The following ESR2 variants were observed in gnomAD, a reference collection of about 807,000 sequenced individuals.
ESR2 encodes the protein estrogen receptor beta.
Under a neutral mutation model 49.6 loss-of-function variants are expected in ESR2, and 36 were observed. The ratio of observed to expected loss-of-function variants is 0.73; its 90% confidence interval spans 0.56 to 0.96. The LOEUF (loss-of-function observed/expected upper bound fraction) is 0.96, where lower values mean the gene tolerates loss of function less well. Ranked by LOEUF, ESR2 falls within the 40% of genes least tolerant of loss-of-function variation. ESR2 has a pLI of 0.00. For missense variants in ESR2, 714 were observed against 693.0 expected, an observed-to-expected ratio of 1.03 and a Z score of -0.34; for synonymous variants, 320 against 266.1, an observed-to-expected ratio of 1.20 and a Z score of -1.97.
intron 7 of ESR2, among the ~76,000 whole-genome samples, chr14:64,237,830 C>G (rs2075637717): frequency 1.3e-5 from 2 of 152,086 alleles, no homozygotes; most frequent in Admixed American, 1.3e-4. Flanking sequence ...ATAGGCAAAT[C>G]CATAGAGTCA....
intron 1 of ESR2, among the ~76,000 whole-genome samples, chr14:64,333,611 G>A (rs552327488): frequency 6.6e-6 from 1 of 152,284 alleles, no homozygotes; most frequent in East Asian, 1.9e-4. Context: ...CATGGCAGGT[G>A]AAACATACAT....
intron 7 of ESR2, among the ~76,000 whole-genome samples, chr14:64,236,460 C>A (rs1013237708): frequency 6.6e-6 from 1 of 152,028 alleles, no homozygotes; most frequent in Admixed American, 6.6e-5. Flanking sequence ...TTCTGAGAGG[C>A]CAAAAAGCAG....
At chr14:64,308,941 C>G (rs1047620365) in intron 1 of ESR2, among the ~76,000 whole-genome samples, 3 of 150,880 alleles carry the variant, frequency 2.0e-5, no homozygotes, top group Non-Finnish European at 4.4e-5. Flanking sequence ...CCACACCCAG[C>G]CCCCTCAGTT....
rs1418144303 is a variant in ESR2, at chr14:64,230,635, AG to A, written c.*2501del. On this transcript the variant is annotated 3_prime_UTR_variant, in exon 9 of 9. Coordinates refer to ENST00000341099, the MANE Select transcript of ESR2 (RefSeq NM_001437.3). ...AGAAAAATCCCTTCAAGACTATTTT[AG>A]GGTCAAGTCTTTTGTAGTCAGTCCT... Among the ~76,000 whole-genome samples the A allele has an allele frequency of 6.6e-6, 1 of 151,924 alleles. No homozygotes were observed. The highest frequency in any genetic ancestry group is 1.5e-5 in the Non-Finnish European group (1 of 67,972).
chr14:64,257,263 C>CG lies in ESR2; in HGVS notation c.1053dup (p.Gly352ArgfsTer15), dbSNP rs2076120927. On this transcript the variant is annotated frameshift_variant, in exon 6 of 9. Transcript: ENST00000341099. LOFTEE classifies it high-confidence loss of function. The stretch of plus-strand genomic sequence containing the variant: ...AGATCTGGAGCAAAGATGAGCTTGC[C>CG]GGGGTGGTCAATTGAGCGCCACATC... The CG allele has an allele frequency of 1.2e-6, 2 of 1,614,002 alleles. No homozygotes were observed. Among genetic ancestry groups the CG allele is most frequent in the African/African-American group, 2.7e-5 (2 of 74,926 alleles).
intron 1 of ESR2, among the ~76,000 whole-genome samples, chr14:64,299,995 C>T (rs1328258509): frequency 1.3e-5 from 2 of 152,160 alleles, no homozygotes; most frequent in African/African-American, 4.8e-5. Flanking sequence ...AATGGTTCTG[C>T]TCATAGTCAA....
rs181414913 is a variant in ESR2, at chr14:64,274,419, T to C, written c.536-5508A>G. 3.3e-5 allele frequency among the ~76,000 whole-genome samples: 5 copies of C among 152,348 alleles called. No homozygotes were observed. In the East Asian group the frequency reaches 9.6e-4, roughly 29 times the overall value. On this transcript the variant is annotated intron_variant, in intron 3 of 8. Transcript: ENST00000341099. ...TATAGTTGCTTATAATAGCCTATAA[T>C]GATCCTTTAGATTTCTGCGGTATCA...
chr14:64,306,459 C>T (rs28663685), intron 1 of ESR2, among the ~76,000 whole-genome samples: 6,785 of 152,218 alleles, frequency 0.045, 318 homozygotes, highest in African/African-American at 0.12. Context: ...AAAAGACAAA[C>T]AAAGGGCCCC....
chr14:64,253,679 C>G (rs1413787058), intron 6 of ESR2, among the ~76,000 whole-genome samples: 1 of 151,516 alleles, frequency 6.6e-6, no homozygotes, highest in Non-Finnish European at 1.5e-5. Context: ...TGGTTTACCT[C>G]TGTGTGTATG....
At chr14:64,258,432 G>A (rs1267444343) in intron 5 of ESR2, among the ~76,000 whole-genome samples, 1 of 152,106 alleles carries the variant, frequency 6.6e-6, no homozygotes, top group Non-Finnish European at 1.5e-5. Flanking sequence ...ACACCGCCTT[G>A]GAGTGAAATG....
In ESR2 at chr14:64,300,774, A is replaced by G. The variant is rs148843930; in HGVS notation, c.-90-17699T>C. 2.0e-3 allele frequency among the ~76,000 whole-genome samples: 302 copies of G among 152,176 alleles called. 1 individual carries two copies. The highest frequency in any genetic ancestry group is 6.9e-3 in the African/African-American group (288 of 41,528). On this transcript the variant is annotated intron_variant, in intron 1 of 8. Transcript: ENST00000358599. Reference sequence around the variant, plus strand: ...CTTTAAAAAAAAAAATTTTTTTCTGACACTCAGCATTACATTTATTCTTTC... The same window carrying G: ...CTTTAAAAAAAAAAATTTTTTTCTGGCACTCAGCATTACATTTATTCTTTC...
chr14:64,249,507 C>G, intron 7 of ESR2, 39 bp downstream of exon 7: 1 of 1,603,618 alleles, frequency 6.2e-7, no homozygotes, highest in Non-Finnish European at 8.5e-7. Context: ...AACAGCATCT[C>G]TCCCCGATAA....
intron 4 of ESR2, among the ~76,000 whole-genome samples, chr14:64,268,572 C>T (rs1354635255): frequency 6.6e-6 from 1 of 152,206 alleles, no homozygotes; most frequent in Non-Finnish European, 1.5e-5. Flanking sequence ...CTCTTCTCTA[C>T]CTGGGGCCAA....
intron 1 of ESR2, among the ~76,000 whole-genome samples, chr14:64,334,836 G>A (rs765768026): frequency 3.3e-5 from 5 of 152,110 alleles, no homozygotes; most frequent in Admixed American, 6.6e-5. Context: ...TAGTAGAGAC[G>A]GGGTTTCACC....
rs1332779375 is a variant in ESR2 at position 64,233,311 on chromosome 14, C to T, written c.1419G>A (p.Met473Ile). 2.5e-6 allele frequency: 4 copies of T among 1,612,104 alleles called. No individual in the cohort carries two copies. Among genetic ancestry groups the T allele is most frequent in the Admixed American group, 3.3e-5 (2 of 59,986 alleles). ...TGCACTTCATGTTGAGCAGATGTTCCATGCCCTTGTTACTATGGGGACAAA... is the reference window on the plus strand; with the variant it reads ...TGCACTTCATGTTGAGCAGATGTTCTATGCCCTTGTTACTATGGGGACAAA... ...SHVRHASNKG[M>I]EHLLNMKCKN... is the part of the protein sequence containing the mutation. Residue 473 changes from methionine (M) to isoleucine (I), a missense_variant, in exon 9 of 9, where the codon ATG becomes ATA. Coordinates refer to ENST00000341099, the MANE Select transcript of ESR2 (RefSeq NM_001437.3).
At chr14:64,269,397 G>T (rs2076394186) in intron 3 of ESR2, among the ~76,000 whole-genome samples, 1 of 152,270 alleles carries the variant, frequency 6.6e-6, no homozygotes, top group Admixed American at 6.5e-5. Context: ...ATGACAGAAA[G>T]TACTGCTATT....
chr14:64,268,771 A>T (rs184492441), intron 4 of ESR2, 24 bp downstream of exon 4: 3 of 1,397,322 alleles, frequency 2.1e-6, no homozygotes, highest in African/African-American at 2.8e-5. Flanking sequence ...CCCATATTCA[A>T]TAAGAAGGGA....
upstream of ESR2, among the ~76,000 whole-genome samples, chr14:64,295,310 G>C (rs181339305): frequency 1.3e-3 from 202 of 152,210 alleles, no homozygotes; most frequent in Admixed American, 2.8e-3. Context: ...AGGAAGACGA[G>C]GGGGGGCATT....
chr14:64,268,093 G>A (rs530401951), intron 4 of ESR2, among the ~76,000 whole-genome samples: 1 of 152,298 alleles, frequency 6.6e-6, no homozygotes, highest in South Asian at 2.1e-4. Flanking sequence ...GGAGAGAGCT[G>A]GGTGTTGGCA....
Sources: gnomAD v4.1 joint callset for allele counts (sites outside exome capture counted in the v4.1 genomes callset) on GRCh38, gnomAD v4.1.1 for gene constraint, MANE v1.5 for transcripts, NCBI Gene and HGNC (gene_info 2026-07-23, HGNC 2026-07-21) for gene names.